Variants in NNT observed in about 807,000 individuals in gnomAD.
NNT encodes the protein nicotinamide nucleotide transhydrogenase.
NNT carries 50 observed loss-of-function variants against 104.8 expected under a neutral mutation model. That is an observed-to-expected ratio of 0.48 (90% CI 0.38 to 0.60). NNT has a LOEUF of 0.60. NNT is among the 20% of genes least tolerant of loss of function. The probability of loss-of-function intolerance (pLI) is 0.00; values close to 1 mark genes in which losing one functional copy is unlikely to be tolerated. For synonymous variants in NNT, 461 were observed against 490.4 expected (o/e 0.94, Z 0.79); for missense variants, 1,131 against 1,330.7 (o/e 0.85, Z 2.33).
intron 7 of NNT, among the ~76,000 whole-genome samples, chr5:43,634,629 A>C (rs936104671): frequency 6.6e-6 from 1 of 152,160 alleles, no homozygotes; most frequent in Admixed American, 6.6e-5. Flanking sequence ...TGTTATATAA[A>C]GTTTCATTTG....
rs866759064 is a variant in NNT, at chr5:43,644,770, G to A, written c.1258G>A (p.Gly420Ser). 3.7e-6 allele frequency: 6 copies of A among 1,614,018 alleles called. 1 individual carries two copies. In the Middle Eastern group the frequency reaches 9.9e-4, roughly 266 times the overall value. ...AGATGACTTTGACTTTGGTACGATG[G>A]GTCATGTCATTAGAGGAACTGTAGT... ...VKDDFDFGTMGHVIRGTVVMK... is the reference protein window; with the variant it reads ...VKDDFDFGTMSHVIRGTVVMK... The change falls in exon 9 of 22, where the codon GGT (glycine) becomes AGT (serine). Residue 420 changes from glycine (G) to serine (S), a missense_variant. Gly to Ser is a moderately conservative substitution (Grantham distance 56). Transcript: ENST00000344920.
At chr5:43,663,752 G>A (rs1206388925) in intron 17 of NNT, among the ~76,000 whole-genome samples, 2 of 152,162 alleles carry the variant, frequency 1.3e-5, no homozygotes, top group African/African-American at 4.8e-5. Context: ...TCTGGAGGTA[G>A]GAAATATTAT....
At chr5:43,617,812 T>C (rs1238522659) in intron 4 of NNT, among the ~76,000 whole-genome samples, 1 of 152,228 alleles carries the variant, frequency 6.6e-6, no homozygotes. Flanking sequence ...CATTAAAAAT[T>C]GCTGTCATTT....
rs1334434451 is a variant in NNT, at chr5:43,612,900, G to C, written c.152-8G>C. 1.3e-6 allele frequency: 2 copies of C among 1,582,040 alleles called. No individual in the cohort carries two copies. Among genetic ancestry groups the C allele is most frequent in the East Asian group, 4.5e-5 (2 of 44,452 alleles). On this transcript the variant is annotated splice_region_variant and splice_polypyrimidine_tract_variant and intron_variant, in intron 2 of 21. Transcript: ENST00000344920. ...ATATATATTTTTTTTGCCTTTGCTTGTTTCTAGGAATTCCATATAAGCAAC... is the reference window on the plus strand; with the variant it reads ...ATATATATTTTTTTTGCCTTTGCTTCTTTCTAGGAATTCCATATAAGCAAC...
intron 7 of NNT, 51 bp downstream of exon 7, chr5:43,628,438 T>TA: frequency 5.7e-6 from 8 of 1,412,046 alleles, no homozygotes; most frequent in South Asian, 1.5e-5. Flanking sequence ...CTCTTTTTTT[T>TA]TAAAAAAAAG....
intron 11 of NNT, 75 bp from the exon 12 acceptor site, chr5:43,650,402 T>G: frequency 1.9e-6 from 2 of 1,034,380 alleles, no homozygotes; most frequent in Non-Finnish European, 3.0e-6. Flanking sequence ...TCTATGTATG[T>G]GAGGTACTTC....
At chr5:43,631,339 G>A (rs1221528253) in intron 7 of NNT, among the ~76,000 whole-genome samples, 1 of 152,188 alleles carries the variant, frequency 6.6e-6, no homozygotes, top group Non-Finnish European at 1.5e-5. Flanking sequence ...GCAGTGTCAG[G>A]AGAGCACTTC....
intron 17 of NNT, among the ~76,000 whole-genome samples, chr5:43,670,151 G>T (rs574537462): frequency 1.3e-5 from 2 of 151,916 alleles, no homozygotes; most frequent in South Asian, 4.2e-4. Context: ...TTTTTATTGC[G>T]TCTATTTGAT....
chr5:43,634,807 AT>A (rs1464693242), intron 7 of NNT, among the ~76,000 whole-genome samples: 2 of 152,256 alleles, frequency 1.3e-5, no homozygotes, highest in East Asian at 3.9e-4. Context: ...TTCCATTGCT[AT>A]TTATCAGTCT....
At chr5:43,644,112 C>A in intron 7 of NNT, 80 bp from the exon 8 acceptor site, 1 of 1,322,260 alleles carries the variant, frequency 7.6e-7, no homozygotes, top group Non-Finnish European at 1.0e-6. Flanking sequence ...CCTGAATGCC[C>A]AGAGACTACT....
intron 17 of NNT, among the ~76,000 whole-genome samples, chr5:43,667,684 T>G (rs1374279699): frequency 6.6e-6 from 1 of 152,212 alleles, no homozygotes; most frequent in Non-Finnish European, 1.5e-5. Flanking sequence ...ACATTTGGGT[T>G]GGTTCCAAGT....
chr5:43,622,568 C>T (rs1170738777), intron 5 of NNT, among the ~76,000 whole-genome samples: 2 of 152,188 alleles, frequency 1.3e-5, no homozygotes, highest in African/African-American at 2.4e-5. Flanking sequence ...TGCCTGGCCC[C>T]GTACTATTTC....
intron 6 of NNT, among the ~76,000 whole-genome samples, chr5:43,626,432 A>G (rs1409636434): frequency 1.3e-5 from 2 of 152,110 alleles, no homozygotes; most frequent in Admixed American, 1.3e-4. Flanking sequence ...GGATGACTTT[A>G]TATCTGAGAA....
intron 17 of NNT, among the ~76,000 whole-genome samples, chr5:43,668,561 G>C (rs1183952125): frequency 1.3e-5 from 2 of 151,946 alleles, no homozygotes; most frequent in Non-Finnish European, 2.9e-5. Flanking sequence ...TCTTGTTTTT[G>C]TCAGATTTGT....
intron 5 of NNT, among the ~76,000 whole-genome samples, chr5:43,623,698 A>G (rs536731913): frequency 7.9e-5 from 12 of 152,366 alleles, no homozygotes; most frequent in African/African-American, 2.9e-4. Context: ...ACTTTTAGAC[A>G]GTGGAAAAGA....
chr5:43,706,415 A>G lies in NNT; in HGVS notation c.*2011A>G, dbSNP rs947156533. ...GTATTATTCACTATATCTTTATGAT[A>G]TTTAAGTATAAATAATTAAAAAAAT... On this transcript the variant is annotated 3_prime_UTR_variant, in exon 22 of 22. Coordinates refer to ENST00000344920, the MANE Select transcript of NNT (RefSeq NM_182977.3). 1.3e-4 allele frequency: 20 copies of G among 151,718 alleles called. No homozygotes were observed. The highest frequency in any genetic ancestry group is 2.7e-4 in the Non-Finnish European group (18 of 67,874). The allele number at this position is 151,718 out of a possible 1,614,324, so 9.4% of individuals were successfully genotyped here.
intron 3 of NNT, among the ~76,000 whole-genome samples, chr5:43,613,932 AT>A (rs1435033547): frequency 5.9e-5 from 9 of 152,234 alleles, no homozygotes; most frequent in African/African-American, 2.2e-4. Flanking sequence ...ACTTGACAGG[AT>A]CCTAACACTT....
Position 43,644,612 on chromosome 5 carries a change from G to A in NNT, c.1100G>A (p.Gly367Glu), listed in dbSNP as rs200278822. The change falls in exon 9 of 22, where the codon GGA (glycine) becomes GAA (glutamate). Residue 367 changes from glycine (G) to glutamate (E), a missense_variant and splice_region_variant. Transcript: ENST00000344920. ...TTGACTATAATTTTGTTCATTTAGGGAATTACTCACATAGGCTACACAGAC... is the reference window on the plus strand; with the variant it reads ...TTGACTATAATTTTGTTCATTTAGGAAATTACTCACATAGGCTACACAGAC... ...TKPGELYIHK[G>E]ITHIGYTDLP... 2 of 1,603,346 alleles carry A rather than the reference G, an allele frequency of 1.2e-6. No individual in the cohort carries two copies. Among genetic ancestry groups the A allele is most frequent in the East Asian group, 2.2e-5 (1 of 44,772 alleles).
chr5:43,645,371 T>A lies in NNT; in HGVS notation c.1305T>A (p.Ile435=). The change falls in exon 10 of 22, where the codon ATT becomes ATA. Residue 435 remains isoleucine, a synonymous_variant. Coordinates refer to ENST00000344920, the MANE Select transcript of NNT (RefSeq NM_182977.3). The stretch of plus-strand genomic sequence containing the variant: ...ATGTCTATTAGGATGGTAAAGTGAT[T>A]TTCCCAGCTCCCACACCGAAAAATA... ...GTVVMKDGKV[I]FPAPTPKNIP... 1 of 1,546,164 alleles carries A rather than the reference T, an allele frequency of 6.5e-7. No homozygotes were observed. The highest frequency in any genetic ancestry group is 8.7e-7 in the Non-Finnish European group (1 of 1,145,056).
Sources: gnomAD v4.1 joint callset for allele counts (sites outside exome capture counted in the v4.1 genomes callset) on GRCh38, gnomAD v4.1.1 for gene constraint, MANE v1.5 for transcripts, NCBI Gene and HGNC (gene_info 2026-07-23, HGNC 2026-07-21) for gene names.